The following MPPED2 variants were observed in gnomAD, a reference collection of about 807,000 sequenced individuals.
MPPED2 encodes the protein metallophosphoesterase MPPED2.
In MPPED2, 5 loss-of-function variants were observed where a neutral mutation model predicts 33.0. The observed-to-expected ratio is 0.15, with a 90% CI of 0.08 to 0.32. The LOEUF is 0.32. Ranked by LOEUF, MPPED2 falls within the 10% of genes least tolerant of loss-of-function variation. The pLI is 1.00. For missense variants in MPPED2, 275 were observed against 372.1 expected (o/e 0.74, Z 2.15); for synonymous variants, 136 against 141.9 (o/e 0.96, Z 0.29).
intron 3 of MPPED2, among the ~76,000 whole-genome samples, chr11:30,499,167 T>A (rs1008568704): frequency 2.6e-5 from 4 of 152,132 alleles, no homozygotes; most frequent in African/African-American, 9.7e-5. Context: ...CAAAATACCC[T>A]CTAACCACAT....
At chr11:30,447,783 T>C (rs1949876255) in intron 4 of MPPED2, among the ~76,000 whole-genome samples, 1 of 152,140 alleles carries the variant, frequency 6.6e-6, no homozygotes, top group Non-Finnish European at 1.5e-5. Flanking sequence ...GAATCTTTAC[T>C]TCAATCAACC....
At chr11:30,470,538 C>T (rs909770085) in intron 4 of MPPED2, among the ~76,000 whole-genome samples, 1 of 152,078 alleles carries the variant, frequency 6.6e-6, no homozygotes, top group African/African-American at 2.4e-5. Context: ...TAATGACTGC[C>T]TAACTCTGAA....
intron 2 of MPPED2, among the ~76,000 whole-genome samples, chr11:30,539,504 A>G (rs183695555): frequency 3.5e-4 from 53 of 152,316 alleles, no homozygotes; most frequent in Middle Eastern, 6.8e-3. Flanking sequence ...CCAAAGCAGG[A>G]CTAAACCTTA....
intron 4 of MPPED2, among the ~76,000 whole-genome samples, chr11:30,485,281 T>C (rs1352601167): frequency 1.3e-5 from 2 of 152,170 alleles, no homozygotes; most frequent in African/African-American, 2.4e-5. Context: ...CTTTATAGGG[T>C]TGCTTTGAGG....
At chr11:30,448,997 G>A (rs569892628) in intron 4 of MPPED2, among the ~76,000 whole-genome samples, 1 of 152,250 alleles carries the variant, frequency 6.6e-6, no homozygotes, top group Non-Finnish European at 1.5e-5. Context: ...TTCCTTCATA[G>A]TACTTACCAT....
chr11:30,504,036 C>A (rs1324890292), intron 3 of MPPED2, among the ~76,000 whole-genome samples: 1 of 152,136 alleles, frequency 6.6e-6, no homozygotes, highest in African/African-American at 2.4e-5. Flanking sequence ...AAGAGATATA[C>A]AACAATTTGA....
intron 6 of MPPED2, 61 bp from the exon 7 acceptor site, chr11:30,411,647 G>A (rs1948109955): frequency 2.1e-6 from 3 of 1,445,198 alleles, no homozygotes; most frequent in East Asian, 2.4e-5. Flanking sequence ...TGGAATGTAG[G>A]GCTGTCAGGC....
chr11:30,547,389 T>A (rs1490089033), intron 2 of MPPED2, among the ~76,000 whole-genome samples: 1 of 152,226 alleles, frequency 6.6e-6, no homozygotes, highest in African/African-American at 2.4e-5. Context: ...TTTAGCAGTA[T>A]TTACTATGTG....
intron 2 of MPPED2, among the ~76,000 whole-genome samples, chr11:30,557,504 C>T (rs1956031710): frequency 1.3e-5 from 2 of 152,042 alleles, no homozygotes; most frequent in South Asian, 4.2e-4. Context: ...AGCTATAATT[C>T]ATGTTTATTT....
chr11:30,459,749 A>T (rs1191738661), intron 4 of MPPED2, among the ~76,000 whole-genome samples: 1 of 152,204 alleles, frequency 6.6e-6, no homozygotes, highest in Non-Finnish European at 1.5e-5. Flanking sequence ...AACCTGCCAT[A>T]TGTGTGGTCA....
exon 7 of MPPED2, chr11:30,386,036 T>A: frequency 6.6e-6 from 1 of 152,342 alleles, no homozygotes; most frequent in African/African-American, 2.4e-5. Flanking sequence ...ATTCATTGCT[T>A]CTGTTAGTCC....
chr11:30,481,957 T>C (rs1951507641), intron 4 of MPPED2, among the ~76,000 whole-genome samples: 1 of 152,186 alleles, frequency 6.6e-6, no homozygotes, highest in Admixed American at 6.5e-5. Flanking sequence ...TGGGATAATC[T>C]GTGAAATATG....
intron 4 of MPPED2, among the ~76,000 whole-genome samples, chr11:30,485,069 G>A (rs983118118): frequency 3.3e-5 from 5 of 152,084 alleles, no homozygotes; most frequent in African/African-American, 9.7e-5. Flanking sequence ...AGCATTCACC[G>A]AGTGCCAGGA....
At chr11:30,513,933 G>C (rs1221137450) in intron 3 of MPPED2, among the ~76,000 whole-genome samples, 4 of 152,176 alleles carry the variant, frequency 2.6e-5, no homozygotes, top group Non-Finnish European at 5.9e-5. Flanking sequence ...TCACTACAGT[G>C]CTGTCTCCTG....
chr11:30,446,654 C>T (rs1457471848), intron 4 of MPPED2, among the ~76,000 whole-genome samples: 1 of 152,112 alleles, frequency 6.6e-6, no homozygotes, highest in Non-Finnish European at 1.5e-5. Context: ...TAGAGAGCTC[C>T]TTGTATATTT....
At chr11:30,428,996 A>G (rs1422253249) in intron 4 of MPPED2, 4 of 151,832 alleles carry the variant, frequency 2.6e-5, no homozygotes, top group Admixed American at 6.6e-5. Context: ...CAAAGAATTG[A>G]GTAGATCTGT....
intron 4 of MPPED2, among the ~76,000 whole-genome samples, chr11:30,475,529 T>C (rs1951150220): frequency 6.6e-6 from 1 of 152,188 alleles, no homozygotes; most frequent in Non-Finnish European, 1.5e-5. Flanking sequence ...TAAAATTGTA[T>C]ACAAATGGAA....
At chr11:30,573,801 T>C (rs1022553087) in intron 2 of MPPED2, among the ~76,000 whole-genome samples, 2 of 152,188 alleles carry the variant, frequency 1.3e-5, no homozygotes, top group Non-Finnish European at 2.9e-5. Context: ...CAACATGTAG[T>C]TTAAATCCTT....
intron 3 of MPPED2, among the ~76,000 whole-genome samples, chr11:30,534,150 A>G (rs1954685380): frequency 6.6e-6 from 1 of 152,196 alleles, no homozygotes; most frequent in Non-Finnish European, 1.5e-5. Context: ...TCAGTGGCTA[A>G]ACAAGATTAT....
Sources: allele counts gnomAD v4.1 joint callset (sites outside exome capture counted in the v4.1 genomes callset), GRCh38; gene constraint gnomAD v4.1.1; transcripts MANE v1.5; gene names NCBI Gene and HGNC (gene_info 2026-07-23, HGNC 2026-07-21).